The following SORCS3 variants were observed in gnomAD, a reference collection of about 807,000 sequenced individuals.
The protein encoded by SORCS3 is sortilin related VPS10 domain containing receptor 3, also known as VPS10 domain-containing receptor SorCS3.
A neutral mutation model predicts 146.3 loss-of-function variants in SORCS3; 57 were observed. That is an observed-to-expected ratio of 0.39 (90% CI 0.31 to 0.49). SORCS3 has a LOEUF of 0.49. Among genes scored for constraint, SORCS3 ranks in the 20% least tolerant of loss-of-function variants. SORCS3 has a pLI of 0.92. For synonymous variants in SORCS3, 653 were observed against 618.5 expected (o/e 1.06, Z -0.83); for missense variants, 1,341 against 1,575.5 (o/e 0.85, Z 2.52).
At chr10:105,140,452 A>T (rs1386665232) in intron 8 of SORCS3, among the ~76,000 whole-genome samples, 2 of 152,264 alleles carry the variant, frequency 1.3e-5, no homozygotes, top group African/African-American at 4.8e-5. Flanking sequence ...CCCTGTCTTC[A>T]TGGATGTTAT....
chr10:105,240,700 A>AT (rs2056816838), intron 20 of SORCS3, among the ~76,000 whole-genome samples: 1 of 152,126 alleles, frequency 6.6e-6, no homozygotes, highest in Non-Finnish European at 1.5e-5. Context: ...GGAATGCAAA[A>AT]TTCAACAGTG....
At chr10:105,229,577 G>C (rs72819907) in intron 20 of SORCS3, among the ~76,000 whole-genome samples, 1 of 152,092 alleles carries the variant, frequency 6.6e-6, no homozygotes, top group African/African-American at 2.4e-5. Context: ...TTGATTCTGG[G>C]TGCATGCATT....
intron 20 of SORCS3, among the ~76,000 whole-genome samples, chr10:105,242,837 T>C (rs2056842283): frequency 9.8e-6 from 1 of 101,642 alleles, no homozygotes; most frequent in African/African-American, 4.0e-5. Flanking sequence ...AAATTATATA[T>C]ATATTTTTAT....
At chr10:104,684,085 C>G (rs566693912) in intron 1 of SORCS3, among the ~76,000 whole-genome samples, 92 of 152,258 alleles carry the variant, frequency 6.0e-4, no homozygotes, top group African/African-American at 1.9e-3. Context: ...TTCCAGGAAT[C>G]AAGGTGGTAA....
In SORCS3 at chr10:105,026,940, C is replaced by T. The variant is rs146613055; in HGVS notation, c.955-16115C>T. On this transcript the variant is annotated intron_variant, in intron 4 of 26. Transcript: ENST00000369701. ...CAAACCTCAGCATCACACAGTATAC[C>T]CCTTTAAATCTGCATATGTACCTCC... Among the ~76,000 whole-genome samples, 643 of 152,176 alleles carry T rather than the reference C, an allele frequency of 4.2e-3. 7 individuals are homozygous for T. The highest frequency in any genetic ancestry group is 0.014 in the African/African-American group (598 of 41,514).
At chr10:105,038,878 C>A (rs1354797900) in intron 4 of SORCS3, among the ~76,000 whole-genome samples, 4 of 151,916 alleles carry the variant, frequency 2.6e-5, no homozygotes, top group Admixed American at 1.3e-4. Flanking sequence ...AATGTTAGAC[C>A]TATAATTTTG....
intron 3 of SORCS3, among the ~76,000 whole-genome samples, chr10:104,928,986 A>G (rs2019178957): frequency 1.3e-5 from 2 of 152,196 alleles, no homozygotes; most frequent in Admixed American, 6.5e-5. Flanking sequence ...TGAGAAATGC[A>G]TGTGATTATC....
At chr10:105,030,082 A>G (rs1160770240) in intron 4 of SORCS3, among the ~76,000 whole-genome samples, 1 of 152,226 alleles carries the variant, frequency 6.6e-6, no homozygotes. Context: ...AGTCTTCTTC[A>G]AAACAGCCCA....
chr10:105,259,528 G>A (rs2056948808), intron 25 of SORCS3, among the ~76,000 whole-genome samples: 2 of 152,160 alleles, frequency 1.3e-5, no homozygotes, highest in South Asian at 4.2e-4. Context: ...CTTTAAATGA[G>A]TATCACCTGG....
chr10:105,252,980 C>G, intron 23 of SORCS3, 74 bp downstream of exon 23: 5 of 1,533,982 alleles, frequency 3.3e-6, no homozygotes, highest in Non-Finnish European at 4.4e-6. Flanking sequence ...CTGTTTTCAG[C>G]CAGAAAGGGA....
intron 4 of SORCS3, among the ~76,000 whole-genome samples, chr10:105,007,867 A>G (rs1303446290): frequency 6.6e-6 from 1 of 152,184 alleles, no homozygotes; most frequent in Non-Finnish European, 1.5e-5. Flanking sequence ...TGAAATCAGG[A>G]CATAAGCTAG....
At chr10:104,990,874 C>T (rs949710308) in intron 4 of SORCS3, among the ~76,000 whole-genome samples, 26 of 152,212 alleles carry the variant, frequency 1.7e-4, no homozygotes, top group Admixed American at 1.3e-4. Flanking sequence ...ATTTTAACCT[C>T]ATAAGCCTCA....
chr10:104,858,999 G>A (rs1360218581), intron 2 of SORCS3, among the ~76,000 whole-genome samples: 2 of 150,004 alleles, frequency 1.3e-5, no homozygotes, highest in Non-Finnish European at 3.0e-5. Flanking sequence ...TGCTGGAAAA[G>A]CCAAACTCTG....
At chr10:105,206,069 A>G (rs1036412197) in intron 16 of SORCS3, among the ~76,000 whole-genome samples, 1 of 152,162 alleles carries the variant, frequency 6.6e-6, no homozygotes, top group African/African-American at 2.4e-5. Context: ...ACATTAATCT[A>G]GTGGTTCCCC....
chr10:105,042,931 A>G, intron 4 of SORCS3, 124 bp from the exon 5 acceptor site: 1 of 759,220 alleles, frequency 1.3e-6, no homozygotes, highest in Non-Finnish European at 2.3e-6. Flanking sequence ...TTTTATCTGG[A>G]TAAAATAAAT....
chr10:104,967,917 C>A (rs1320700481), intron 3 of SORCS3, among the ~76,000 whole-genome samples: 1 of 151,906 alleles, frequency 6.6e-6, no homozygotes, highest in African/African-American at 2.4e-5. Flanking sequence ...ACCTCAGGCT[C>A]CCAAAATGCT....
rs1489269322 is a variant in SORCS3, at chr10:104,856,379, A to G, written c.695+13520A>G. 2.7e-5 allele frequency among the ~76,000 whole-genome samples: 4 copies of G among 149,736 alleles called. No individual in the cohort carries two copies. The South Asian group carries it at 8.4e-4, about 31-fold the overall frequency. On this transcript the variant is annotated intron_variant, in intron 2 of 26. Transcript: ENST00000369701. Reference sequence around the variant, plus strand: ...AGAGAGAAAGATAAAGGAAGAGAGAAAGCTATAGAAAGGGAGAGAGAGAGA... The same window carrying G: ...AGAGAGAAAGATAAAGGAAGAGAGAGAGCTATAGAAAGGGAGAGAGAGAGA...
intron 2 of SORCS3, among the ~76,000 whole-genome samples, chr10:104,869,237 A>G (rs2018491128): frequency 6.6e-6 from 1 of 152,164 alleles, no homozygotes; most frequent in Non-Finnish European, 1.5e-5. Context: ...AGAGGCTGAA[A>G]AGTTTCACAA....
intron 1 of SORCS3, among the ~76,000 whole-genome samples, chr10:104,791,038 C>T (rs2017490535): frequency 6.6e-6 from 1 of 152,172 alleles, no homozygotes; most frequent in South Asian, 2.1e-4. Context: ...CCAGTTGTTT[C>T]ACAGATGAAT....
Sources: allele counts gnomAD v4.1 joint callset (sites outside exome capture counted in the v4.1 genomes callset), GRCh38; gene constraint gnomAD v4.1.1; transcripts MANE v1.5; gene names NCBI Gene and HGNC (gene_info 2026-07-23, HGNC 2026-07-21).